The following B4GALNT3 variants were observed in gnomAD, a reference collection of about 807,000 sequenced individuals.
The protein encoded by B4GALNT3 is beta-1,4-N-acetylgalactosaminyltransferase 3.
A neutral mutation model predicts 120.2 loss-of-function variants in B4GALNT3; 86 were observed. The observed-to-expected ratio is 0.72, with a 90% CI of 0.60 to 0.86. The LOEUF is 0.86. Ranked by LOEUF, B4GALNT3 falls within the 40% of genes least tolerant of loss-of-function variation. The pLI is 0.00. For missense variants in B4GALNT3, 1,167 were observed against 1,298.9 expected (o/e 0.90, Z 1.56); for synonymous variants, 518 against 510.4 (o/e 1.01, Z -0.20).
intron 1 of B4GALNT3, among the ~76,000 whole-genome samples, chr12:470,131 G>A (rs910005277): frequency 2.0e-5 from 3 of 152,176 alleles, no homozygotes; most frequent in Non-Finnish European, 2.9e-5. Flanking sequence ...AGTTGCGCAC[G>A]TCACTAAGGG....
At chr12:472,582 T>C (rs974827647) in intron 1 of B4GALNT3, among the ~76,000 whole-genome samples, 12 of 152,128 alleles carry the variant, frequency 7.9e-5, no homozygotes, top group Non-Finnish European at 1.3e-4. Flanking sequence ...GAACTACAGG[T>C]GCCCGCCACC....
intron 11 of B4GALNT3, 147 bp from the exon 12 acceptor site, chr12:551,916 C>G: frequency 1.5e-6 from 1 of 665,442 alleles, no homozygotes; most frequent in Non-Finnish European, 2.7e-6. Flanking sequence ...TTTCATTCGG[C>G]GCTCAGAGCA....
At chr12:536,327 A>G (rs778530930) in intron 3 of B4GALNT3, 32 bp downstream of exon 3, 6 of 1,541,376 alleles carry the variant, frequency 3.9e-6, no homozygotes, top group African/African-American at 2.7e-5. Context: ...CTGCCCTTTG[A>G]GAGAGCTAAA....
chr12:551,344 C>G (rs1947080601), intron 11 of B4GALNT3, among the ~76,000 whole-genome samples: 1 of 152,248 alleles, frequency 6.6e-6, no homozygotes, highest in Non-Finnish European at 1.5e-5. Flanking sequence ...CCAAGGGCCA[C>G]ACAACCCTAC....
chr12:469,633 C>A (rs373062350), intron 1 of B4GALNT3, among the ~76,000 whole-genome samples: 2 of 151,936 alleles, frequency 1.3e-5, no homozygotes, highest in Non-Finnish European at 2.9e-5. Context: ...GGGGTGGGGG[C>A]CAGGTTAGGA....
intron 3 of B4GALNT3, among the ~76,000 whole-genome samples, chr12:537,361 T>G (rs1565605698): frequency 6.6e-6 from 1 of 152,220 alleles, no homozygotes; most frequent in Non-Finnish European, 1.5e-5. Context: ...CATAGTTCAC[T>G]GTATCTTTAA....
At chr12:513,065 C>T (rs28815546) in intron 1 of B4GALNT3, among the ~76,000 whole-genome samples, 18,864 of 144,154 alleles carry the variant, frequency 0.13, 2,336 homozygotes, top group East Asian at 0.28. Context: ...CCACCTTCTT[C>T]CACCTTTGAC....
intron 1 of B4GALNT3, among the ~76,000 whole-genome samples, chr12:491,427 T>C (rs1195570915): frequency 1.3e-5 from 2 of 151,824 alleles, no homozygotes; most frequent in Non-Finnish European, 2.9e-5. Context: ...CCTTCTGGGC[T>C]CAAACAATCC....
intron 1 of B4GALNT3, among the ~76,000 whole-genome samples, chr12:489,215 T>G (rs1195866064): frequency 6.6e-6 from 1 of 151,598 alleles, no homozygotes; most frequent in Admixed American, 6.6e-5. Flanking sequence ...AAATACCTAA[T>G]GTATGCAGGG....
chr12:545,118 C>T (rs371261519), intron 5 of B4GALNT3, 146 bp downstream of exon 5: 85 of 1,450,878 alleles, frequency 5.9e-5, no homozygotes, highest in South Asian at 2.9e-4. Context: ...AGTCATATTG[C>T]GGTCTTGTCC....
chr12:526,668 G>GTGTT (rs150339688), intron 1 of B4GALNT3, among the ~76,000 whole-genome samples: 2,190 of 152,148 alleles, frequency 0.014, 25 homozygotes, highest in Middle Eastern at 0.034. Flanking sequence ...AATGTTATAG[G>GTGTT]TGTTTGTTTG....
chr12:552,721 A>T (rs998605921), intron 13 of B4GALNT3, 193 bp downstream of exon 13: 2 of 610,714 alleles, frequency 3.3e-6, no homozygotes, highest in African/African-American at 3.7e-5. Flanking sequence ...CATGTGGAAA[A>T]TGACACTATT....
At chr12:480,006 C>T (rs1413553733) in intron 1 of B4GALNT3, among the ~76,000 whole-genome samples, 1 of 148,716 alleles carries the variant, frequency 6.7e-6, no homozygotes, top group African/African-American at 2.5e-5. Context: ...CTCCACCTCC[C>T]GGGTTCACGC....
chr12:525,491 T>C (rs1005151842), intron 1 of B4GALNT3, among the ~76,000 whole-genome samples: 22 of 152,222 alleles, frequency 1.4e-4, no homozygotes, highest in Non-Finnish European at 2.1e-4. Flanking sequence ...TTTTCTCCTT[T>C]CCAAAGCCAC....
At chr12:552,335 A>ACACACACACC in intron 12 of B4GALNT3, 132 bp from the exon 13 acceptor site, 1 of 806,838 alleles carries the variant, frequency 1.2e-6, no homozygotes, top group African/African-American at 1.9e-5. Flanking sequence ...ACACACACAC[A>ACACACACACC]CCCGCTCACC....
intron 1 of B4GALNT3, among the ~76,000 whole-genome samples, chr12:525,351 C>T (rs927301269): frequency 3.9e-5 from 6 of 152,150 alleles, no homozygotes; most frequent in South Asian, 2.1e-4. Context: ...TCAGGTCATC[C>T]GCCTGCCTCG....
At chr12:476,128 C>T (rs577509426) in intron 1 of B4GALNT3, among the ~76,000 whole-genome samples, 1 of 152,296 alleles carries the variant, frequency 6.6e-6, no homozygotes, top group South Asian at 2.1e-4. Flanking sequence ...TAGTCAGCTG[C>T]GCCTCAGTGA....
At chr12:511,169 C>T (rs1337829892) in intron 1 of B4GALNT3, among the ~76,000 whole-genome samples, 1 of 151,532 alleles carries the variant, frequency 6.6e-6, no homozygotes, top group Non-Finnish European at 1.5e-5. Context: ...AGCTGAACTA[C>T]AGGCGTGTGC....
In B4GALNT3 at chr12:549,907, A is replaced by G; in HGVS notation, c.992A>G (p.Tyr331Cys). The change falls in exon 10 of 20, where the codon TAT (tyrosine) becomes TGT (cysteine). Residue 331 changes from tyrosine (Y) to cysteine (C), a missense_variant. This residue lies in a region of B4GALNT3 where 983 missense variants were observed against 1,102.5 expected (regional missense o/e 0.89). Coordinates refer to ENST00000266383, the MANE Select transcript of B4GALNT3 (RefSeq NM_173593.4). ...CGGCCTGACCCCCGGGACACCCTCT[A>G]TCGAGGTAAGGCCTCGGCCAGCGCT... The part of the protein sequence containing the change: ...MLRPDPRDTL[Y>C]RVPLIPKSHL... The G allele has an allele frequency of 6.2e-7, 1 of 1,612,094 alleles. No homozygotes were observed. The highest frequency in any genetic ancestry group is 8.5e-7 in the Non-Finnish European group (1 of 1,179,480).
Sources: allele counts gnomAD v4.1 joint callset (sites outside exome capture counted in the v4.1 genomes callset), GRCh38; gene constraint gnomAD v4.1.1; regional missense constraint gnomAD v4.1.1; transcripts MANE v1.5; gene names NCBI Gene and HGNC (gene_info 2026-07-23, HGNC 2026-07-21).